MED22: variants seen among roughly 807,000 people sequenced by gnomAD.
MED22 encodes mediator of RNA polymerase II transcription subunit 22.
A neutral mutation model predicts 22.7 loss-of-function variants in MED22; 22 were observed. The observed-to-expected ratio is 0.97, with a 90% CI of 0.69 to 1.38. The LOEUF is 1.38. MED22 is among the 40% of genes most tolerant of loss of function. MED22 has a pLI of 0.00. For missense variants in MED22, 247 were observed against 263.0 expected (o/e 0.94, Z 0.42); for synonymous variants, 134 against 119.4 (o/e 1.12, Z -0.80).
In MED22 at chr9:133,344,321, C is replaced by T. The variant is rs2129961413; in HGVS notation, c.217G>A (p.Glu73Lys). ...VRAANIVRAG[E>K]SLMKLVSDLK... Reference sequence around the variant, plus strand: ...TCGGACACCAGCTTCATCAGGGACTCGCCGGCTCGGACCTGTGGCCATCAG... The same window carrying T: ...TCGGACACCAGCTTCATCAGGGACTTGCCGGCTCGGACCTGTGGCCATCAG... The change falls in exon 4 of 5, where the codon GAG becomes AAG. Residue 73 changes from glutamate to lysine, a missense_variant. Physicochemically the swap from Glu to Lys is moderately conservative, Grantham distance 56. Transcript: ENST00000343730. The T allele has an allele frequency of 1.7e-5, 27 of 1,613,860 alleles. No homozygotes were observed. Among genetic ancestry groups the T allele is most frequent in the South Asian group, 2.2e-5 (2 of 91,066 alleles).
At position 133,339,471 on chromosome 9, in the gene MED22, G is replaced by T; in HGVS notation, c.*2034C>A. ...CCTATGAATTCATGGCATCGTGGGT[G>T]TTAAAAAAATAAAAGACCTCTGGAC... is the stretch of plus-strand genomic sequence containing the variant. On this transcript the variant is annotated 3_prime_UTR_variant, in exon 5 of 5. Transcript: ENST00000343730. 1 of 707,244 alleles carries T rather than the reference G, an allele frequency of 1.4e-6. No homozygotes were observed. The allele number at this position is 707,244 out of a possible 1,614,324, so 43.8% of individuals were successfully genotyped here.
In MED22 at chr9:133,344,286, C is replaced by T. The variant is rs1836115472; in HGVS notation, c.252G>A (p.Gln84=). ...SLMKLVSDLK[Q]FLILNDFPSV... is the part of the protein sequence containing the mutation. ...AGGGGAAGTCATTGAGGATCAGGAA[C>T]TGCTTGAGGTCGGACACCAGCTTCA... The change falls in exon 4 of 5, where the codon CAG becomes CAA. Residue 84 remains glutamine (Q), a synonymous_variant. Transcript: ENST00000343730. The T allele has an allele frequency of 6.2e-7, 1 of 1,614,198 alleles. No homozygotes were observed. The highest frequency in any genetic ancestry group is 8.5e-7 in the Non-Finnish European group (1 of 1,180,032).
intron 4 of MED22, chr9:133,342,857 CCT>C (rs1270144743): frequency 1.4e-4 from 137 of 985,428 alleles, no homozygotes; most frequent in Non-Finnish European, 1.6e-4. Flanking sequence ...GAGCAGGTTC[CCT>C]CTCTCCCTGC....
At chr9:133,342,607 A>C (rs1346855788) in intron 4 of MED22, 3 of 986,264 alleles carry the variant, frequency 3.0e-6, no homozygotes, top group Non-Finnish European at 3.6e-6. Flanking sequence ...AAGAAGGGGC[A>C]GAGGAAACTC....
At position 133,346,603 on chromosome 9, in the gene MED22, C is replaced by CT; in HGVS notation, c.59dup (p.Arg21AlafsTer7). 1 of 1,613,118 alleles carries CT rather than the reference C, an allele frequency of 6.2e-7. No homozygotes were observed. Among genetic ancestry groups the CT allele is most frequent in the Non-Finnish European group, 8.5e-7 (1 of 1,180,016 alleles). Reference sequence around the variant, plus strand: ...TGGACTTAATGTCGTCCTTCAGCCGCTTGTTGTAGGACTGCAGCAGCGTCT... The same window carrying CT: ...TGGACTTAATGTCGTCCTTCAGCCGCTTTGTTGTAGGACTGCAGCAGCGTCT... On this transcript the variant is annotated frameshift_variant, in exon 2 of 5. Coordinates refer to ENST00000343730, the MANE Select transcript of MED22 (RefSeq NM_133640.5). LOFTEE classifies it high-confidence loss of function.
chr9:133,347,138 C>G (rs1810437589), intron 1 of MED22: 1 of 162,324 alleles, frequency 6.2e-6, no homozygotes, highest in Admixed American at 6.2e-5. Context: ...TCCACTCCCA[C>G]TCAGGCTGCC....
chr9:133,345,850 A>G (rs1057111936), intron 2 of MED22, among the ~76,000 whole-genome samples: 2 of 152,176 alleles, frequency 1.3e-5, no homozygotes, highest in Non-Finnish European at 2.9e-5. Flanking sequence ...GTTAAGACCC[A>G]GACTTCGTGG....
Position 133,346,427 on chromosome 9 carries a change from A to G in MED22, c.123+113T>C, listed in dbSNP as rs1836180901. 7 of 1,352,084 alleles carry G rather than the reference A, an allele frequency of 5.2e-6. No individual in the cohort carries two copies. The East Asian group carries it at 1.6e-4, about 31-fold the overall frequency. 83.8% of individuals were successfully genotyped at this position (1,352,084 alleles called of 1,614,324 possible). A position where few individuals can be genotyped will look rare whatever the true frequency, so the allele number is the denominator to read the frequency against. On this transcript the variant is annotated intron_variant, in intron 2 of 4. Coordinates refer to ENST00000343730, the MANE Select transcript of MED22 (RefSeq NM_133640.5). ...TTATCTACTGACCAGCTCCCTGTGC[A>G]CTGGGTGCTTCCTGCCTAGAACACT...
chr9:133,347,386 G>A (rs896099728), intron 1 of MED22: 1 of 139,110 alleles, frequency 7.2e-6, no homozygotes, highest in Admixed American at 7.1e-5. Context: ...CGTGATGGCA[G>A]GCGCCTGTAA....
intron 4 of MED22, chr9:133,342,617 C>G: frequency 1.0e-6 from 1 of 986,180 alleles, no homozygotes; most frequent in South Asian, 4.7e-5. Context: ...AGAGGAAACT[C>G]GGCCAGGACC....
chr9:133,344,034 A>G (rs1836097011), intron 4 of MED22, 91 bp downstream of exon 4: 9 of 1,581,302 alleles, frequency 5.7e-6, no homozygotes, highest in African/African-American at 1.3e-5. Flanking sequence ...GACCAGCAAG[A>G]ATTTGAAAAA....
In MED22 at chr9:133,346,646, G is replaced by A. The variant is rs1564341345; in HGVS notation, c.17C>T (p.Ala6Val). ...CAGCGTCTCCTTGCTCTGGGGCAGG[G>A]CTCTCTGCTGGGCCATGGCCGAGCC... MAQQR[A>V]LPQSKETLLQ... The change falls in exon 2 of 5, where the codon GCC becomes GTC. Residue 6 changes from alanine to valine, a missense_variant. Coordinates refer to ENST00000343730, the MANE Select transcript of MED22 (RefSeq NM_133640.5). 1.2e-6 allele frequency: 2 copies of A among 1,611,940 alleles called. No homozygotes were observed. Among genetic ancestry groups the A allele is most frequent in the Non-Finnish European group, 8.5e-7 (1 of 1,179,970 alleles).
At position 133,344,229 on chromosome 9, in the gene MED22, CT is replaced by C; in HGVS notation, c.308del (p.Gln103ArgfsTer112). ...ACTCCTCCTGCAGTGTGCGCAGCTGCTGGTTGCGCTGGTCAATGGCCTCGTT... is the reference window on the plus strand; with the variant it reads ...ACTCCTCCTGCAGTGTGCGCAGCTGCGGTTGCGCTGGTCAATGGCCTCGTT... ...SVNEAIDQRN[Q>X]QLRTLQEECD... On this transcript the variant is annotated frameshift_variant, in exon 4 of 5. Coordinates refer to ENST00000343730, the MANE Select transcript of MED22 (RefSeq NM_133640.5). LOFTEE classifies it high-confidence loss of function. The C allele has an allele frequency of 6.2e-7, 1 of 1,614,244 alleles. No homozygotes were observed. The highest frequency in any genetic ancestry group is 8.5e-7 in the Non-Finnish European group (1 of 1,180,054).
Position 133,341,302 on chromosome 9 carries a change from C to G in MED22, c.*203G>C. ...TGATGACTCGGAATGATGGGCTATT[C>G]GGAAATGGCTAGGGAAACAACTGTT... On this transcript the variant is annotated 3_prime_UTR_variant, in exon 5 of 5. Transcript: ENST00000343730. The G allele has an allele frequency of 4.1e-6, 2 of 484,048 alleles. No homozygotes were observed. The highest frequency in any genetic ancestry group is 7.0e-6 in the Non-Finnish European group (2 of 286,378). 30.0% of individuals were successfully genotyped at this position (484,048 alleles called of 1,614,324 possible).
chr9:133,345,038 C>T, intron 3 of MED22, 134 bp downstream of exon 3: 1 of 784,828 alleles, frequency 1.3e-6, no homozygotes, highest in Non-Finnish European at 2.1e-6. Context: ...AGCATCTCTA[C>T]ATTTGCCTCC....
intron 4 of MED22, chr9:133,342,074 C>G: frequency 9.2e-7 from 1 of 1,092,568 alleles, no homozygotes; most frequent in Non-Finnish European, 1.1e-6. Flanking sequence ...TCCCTGACTG[C>G]AGAAACCCCA....
rs2129946321 is a variant in MED22 at position 133,340,982 on chromosome 9, T to C, written c.*523A>G. ...GAATGAGTCCCACCTAGCTTCCACA[T>C]GCGTGGGCAGCAGCTGTCACACGGG... is the stretch of plus-strand genomic sequence containing the variant. On this transcript the variant is annotated 3_prime_UTR_variant, in exon 5 of 5. Transcript: ENST00000343730. The C allele has an allele frequency of 6.5e-5, 10 of 153,220 alleles. No homozygotes were observed. Among genetic ancestry groups the C allele is most frequent in the African/African-American group, 2.4e-4 (10 of 41,508 alleles). The allele number at this position is 153,220 out of a possible 1,614,324, so 9.5% of individuals were successfully genotyped here. A position where few individuals can be genotyped will look rare whatever the true frequency, so the allele number is the denominator to read the frequency against.
At chr9:133,346,435 C>A (rs1836181211) in intron 2 of MED22, 105 bp downstream of exon 2, 1 of 1,437,982 alleles carries the variant, frequency 7.0e-7, no homozygotes, top group Non-Finnish European at 9.6e-7. Flanking sequence ...GCACTGGGTG[C>A]TTCCTGCCTA....
In MED22 at chr9:133,345,216, CCT is replaced by C; in HGVS notation, c.158_159del (p.Gln53ArgfsTer2). ...TGCATCTCGTAATTGTCCTGTTCAC[CCT>C]GAGTGGCCCGTGACACCTGCGTCTC... ...EDETQVSRAT[Q>X]GEQDNYEMHV... On this transcript the variant is annotated frameshift_variant, in exon 3 of 5. Transcript: ENST00000343730. LOFTEE classifies it high-confidence loss of function. 1.2e-6 allele frequency: 2 copies of C among 1,613,998 alleles called. No homozygotes were observed. Among genetic ancestry groups the C allele is most frequent in the Non-Finnish European group, 1.7e-6 (2 of 1,179,998 alleles).
Sources: allele counts gnomAD v4.1 joint callset (sites outside exome capture counted in the v4.1 genomes callset), GRCh38; gene constraint gnomAD v4.1.1; transcripts MANE v1.5; gene names NCBI Gene and HGNC (gene_info 2026-07-23, HGNC 2026-07-21).